The following MAP3K15 variants were observed in gnomAD, a reference collection of about 807,000 sequenced individuals.
The protein encoded by MAP3K15 is MAPK/ERK kinase kinase 15.
In MAP3K15, 124 loss-of-function variants were observed where a neutral mutation model predicts 99.5. The ratio of observed to expected loss-of-function variants is 1.25; its 90% confidence interval spans 1.08 to 1.45. MAP3K15 has a LOEUF of 1.45. Ranked by LOEUF, MAP3K15 falls within the 40% of genes most tolerant of loss-of-function variation. MAP3K15 has a pLI of 0.00. For synonymous variants in MAP3K15, 494 were observed against 439.6 expected, an observed-to-expected ratio of 1.12 and a Z score of -1.55; for missense variants, 1,242 against 1,079.7, an observed-to-expected ratio of 1.15 and a Z score of -2.11.
chrX:19,386,654 C>G (rs968947846), intron 18 of MAP3K15, among the ~76,000 whole-genome samples: 3 of 111,124 alleles, frequency 2.7e-5, no homozygotes, highest in East Asian at 2.8e-4. Context: ...ACTCAGCCCC[C>G]CTAGGGCACA....
chrX:19,453,485 G>T (rs1171838906), intron 6 of MAP3K15, among the ~76,000 whole-genome samples: 1 of 106,672 alleles, frequency 9.4e-6, no homozygotes, highest in Non-Finnish European at 1.9e-5. Flanking sequence ...GGGCGACAGA[G>T]TGAGCGTCTC....
intron 1 of MAP3K15, among the ~76,000 whole-genome samples, chrX:19,501,285 G>T (rs1392443942): frequency 1.8e-5 from 2 of 111,750 alleles, no homozygotes; most frequent in Admixed American, 9.5e-5. Flanking sequence ...AGTAAAAATC[G>T]TACTTATATT....
intron 9 of MAP3K15, among the ~76,000 whole-genome samples, chrX:19,418,080 C>G (rs897724712): frequency 1.8e-5 from 2 of 111,575 alleles, no homozygotes; most frequent in African/African-American, 6.5e-5. Context: ...GATAAAACCA[C>G]AAAGATGGGG....
intron 22 of MAP3K15, among the ~76,000 whole-genome samples, chrX:19,372,254 C>G (rs1283110025): frequency 5.4e-5 from 6 of 111,732 alleles, no homozygotes; most frequent in South Asian, 7.4e-4. Flanking sequence ...CCACCCTCCC[C>G]AAGGTGGCTG....
intron 1 of MAP3K15, among the ~76,000 whole-genome samples, chrX:19,502,592 G>A (rs771256009): frequency 8.9e-6 from 1 of 111,989 alleles, no homozygotes; most frequent in South Asian, 3.8e-4. Flanking sequence ...GCCATGGCAG[G>A]TGGATCACTT....
chrX:19,495,580 T>C (rs1171445202), intron 1 of MAP3K15, among the ~76,000 whole-genome samples: 1 of 111,318 alleles, frequency 9.0e-6, no homozygotes, highest in South Asian at 3.8e-4. Context: ...TAAGTGTGAT[T>C]GAGATGTGTC....
At position 19,429,760 on chromosome X, in the gene MAP3K15, AAGAGAGAGAGAGAG is replaced by A. The variant is rs369383239; in HGVS notation, c.1166+1664_1166+1677del. Among the ~76,000 whole-genome samples the A allele has an allele frequency of 8.2e-3, 272 of 33,193 alleles. 4 individuals carry two copies. The highest frequency in any genetic ancestry group is 0.025 in the Middle Eastern group (1 of 40). The allele number at this position is 33,193 out of a possible 115,157, so 28.8% of individuals were successfully genotyped here. On this transcript the variant is annotated intron_variant, in intron 7 of 28. Coordinates refer to ENST00000338883, the MANE Select transcript of MAP3K15 (RefSeq NM_001001671.4). The stretch of plus-strand genomic sequence containing the variant: ...CAGAGCCTCCTGTGTGTATGAAAGG[AAGAGAGAGAGAGAG>A]AGAGAGAGAGAGAGAGAGAGAGAGA...
intron 8 of MAP3K15, 129 bp from the exon 9 acceptor site, chrX:19,425,819 T>C: frequency 3.0e-6 from 2 of 669,587 alleles, no homozygotes; most frequent in South Asian, 6.6e-5. Flanking sequence ...TTGTTCCTTT[T>C]GAAATATAAT....
At chrX:19,379,637 T>C (rs1446092874) in intron 19 of MAP3K15, among the ~76,000 whole-genome samples, 1 of 110,035 alleles carries the variant, frequency 9.1e-6, no homozygotes, top group Non-Finnish European at 1.9e-5. Flanking sequence ...AGACGAGGTT[T>C]TGCCATGTTG....
chrX:19,384,410 G>C (rs2063480302), intron 18 of MAP3K15, among the ~76,000 whole-genome samples: 1 of 109,314 alleles, frequency 9.1e-6, no homozygotes, highest in South Asian at 4.0e-4. Context: ...GAATGAATAA[G>C]ATCTAGTATT....
intron 25 of MAP3K15, among the ~76,000 whole-genome samples, chrX:19,363,338 T>C (rs1328362266): frequency 8.9e-6 from 1 of 112,231 alleles, no homozygotes; most frequent in Admixed American, 9.4e-5. Context: ...CCACGGAATC[T>C]GCTGGCACCT....
At chrX:19,483,504 T>G (rs1461417892) in intron 3 of MAP3K15, among the ~76,000 whole-genome samples, 1 of 111,584 alleles carries the variant, frequency 9.0e-6, no homozygotes, top group Non-Finnish European at 1.9e-5. Context: ...GGCTACATGT[T>G]CAGGGTGTGG....
At chrX:19,372,950 A>G (rs1000108108) in intron 21 of MAP3K15, 123 bp from the exon 22 acceptor site, 8 of 664,069 alleles carry the variant, frequency 1.2e-5, no homozygotes, top group Non-Finnish European at 1.8e-5. Context: ...TGTGCTCAAG[A>G]AGATGAAATT....
chrX:19,447,800 C>T (rs1602316689), intron 6 of MAP3K15, among the ~76,000 whole-genome samples: 1 of 85,516 alleles, frequency 1.2e-5, no homozygotes, highest in East Asian at 4.1e-4. Context: ...AGGAGAATGG[C>T]GTGAACCCGG....
At chrX:19,474,147 C>T (rs1280290110) in intron 3 of MAP3K15, among the ~76,000 whole-genome samples, 1 of 112,105 alleles carries the variant, frequency 8.9e-6, no homozygotes, top group Admixed American at 9.5e-5. Context: ...CACTCCCACC[C>T]ACAGTGTATA....
In MAP3K15 at chrX:19,398,280, T is replaced by C. The variant is rs1446718596; in HGVS notation, c.2012A>G (p.Asp671Gly). The change falls in exon 15 of 29, where the codon GAT becomes GGT. Residue 671 changes from aspartate (D) to glycine (G), a missense_variant. Asp to Gly is a moderately conservative substitution (Grantham distance 94, BLOSUM62 -1). Coordinates refer to ENST00000338883, the MANE Select transcript of MAP3K15 (RefSeq NM_001001671.4). ...GTYGIVYAGR[D>G]LSNQVRIAIK... ...GGCTATTCGCACTTGATTGCTCAGA[T>C]CTCGGCCAGCATACACAATCCCATA... The C allele has an allele frequency of 8.3e-7, 1 of 1,208,844 alleles. No individual in the cohort carries two copies. The highest frequency in any genetic ancestry group is 1.1e-6 in the Non-Finnish European group (1 of 895,023).
At chrX:19,452,848 AT>A (rs1009019701) in intron 6 of MAP3K15, among the ~76,000 whole-genome samples, 1,047 of 104,488 alleles carry the variant, frequency 0.01, 12 homozygotes, top group African/African-American at 0.029. Flanking sequence ...TTTTCTTGCA[AT>A]TTTTTTTTTT....
chrX:19,371,475 AG>A lies in MAP3K15; in HGVS notation c.3163del (p.Leu1055Ter). On this transcript the variant is annotated frameshift_variant, in exon 23 of 29. Transcript: ENST00000338883. LOFTEE classifies it high-confidence loss of function. Reference protein sequence around the residue: ...VGHIKQIIGILRDFIRSPEHR... With the variant: ...VGHIKQIIGIXRDFIRSPEHR... ...CTCTGGGGAGCGGATGAAGTCCCTC[AG>A]GATCCCAATGATTTGCTTGATGTGT... 8.3e-7 allele frequency: 1 copy of A among 1,210,578 alleles called. No individual in the cohort carries two copies. The highest frequency in any genetic ancestry group is 2.3e-4 in the Middle Eastern group (1 of 4,350).
intron 6 of MAP3K15, among the ~76,000 whole-genome samples, chrX:19,451,146 G>A (rs185314075): frequency 9.3e-6 from 1 of 107,500 alleles, no homozygotes; most frequent in Non-Finnish European, 2.0e-5. Context: ...ATTAGCTGGC[G>A]TGGTGGTGGG....
Sources: allele counts gnomAD v4.1 joint callset (sites outside exome capture counted in the v4.1 genomes callset), GRCh38; gene constraint gnomAD v4.1.1; transcripts MANE v1.5; gene names NCBI Gene and HGNC (gene_info 2026-07-23, HGNC 2026-07-21).